The following IMMT variants were observed in gnomAD, a reference collection of about 807,000 sequenced individuals.
The protein encoded by IMMT is MICOS complex subunit MIC60.
Under a neutral mutation model 92.7 loss-of-function variants are expected in IMMT, and 40 were observed. That is an observed-to-expected ratio of 0.43 (90% CI 0.34 to 0.56). IMMT has a LOEUF of 0.56. IMMT is among the 20% of genes least tolerant of loss of function. IMMT has a pLI of 0.03. For missense variants in IMMT, 831 were observed against 912.1 expected, an observed-to-expected ratio of 0.91 and a Z score of 1.14; for synonymous variants, 322 against 336.1, an observed-to-expected ratio of 0.96 and a Z score of 0.46.
chr2:86,144,199 G>C lies in IMMT; in HGVS notation c.*69C>G. The C allele has an allele frequency of 1.3e-6, 2 of 1,558,714 alleles. No individual in the cohort carries two copies. The highest frequency in any genetic ancestry group is 2.4e-5 in the South Asian group (2 of 84,336). ...TAGACAAGTCCGGGACTCTCGCTGCGAACCCTTCATCTATCACTGCTGATT... is the reference window on the plus strand; with the variant it reads ...TAGACAAGTCCGGGACTCTCGCTGCCAACCCTTCATCTATCACTGCTGATT... On this transcript the variant is annotated 3_prime_UTR_variant, in exon 15 of 15. Transcript: ENST00000410111.
chr2:86,147,037 A>G (rs1490933993), intron 13 of IMMT, among the ~76,000 whole-genome samples: 2 of 152,354 alleles, frequency 1.3e-5, no homozygotes, highest in Admixed American at 6.5e-5. Context: ...CTGGGATTAT[A>G]GGTGTTAGCC....
chr2:86,161,287 G>C (rs189027459), intron 8 of IMMT, among the ~76,000 whole-genome samples: 104 of 151,832 alleles, frequency 6.8e-4, no homozygotes, highest in African/African-American at 2.2e-3. Context: ...TCAGCCTCCC[G>C]AGTCGCTGGG....
Position 86,144,289 on chromosome 2 carries a change from G to C in IMMT, c.2256C>G (p.Thr752=). 2 of 1,613,922 alleles carry C rather than the reference G, an allele frequency of 1.2e-6. No homozygotes were observed. Among genetic ancestry groups the C allele is most frequent in the South Asian group, 1.1e-5 (1 of 91,076 alleles). The change falls in exon 15 of 15, where the codon ACC becomes ACG. Residue 752 remains threonine (T), a synonymous_variant. Transcript: ENST00000410111. ...TAYASAVGIG[T]TQVQPE Reference sequence around the variant, plus strand: ...AACCTCACTCTGGCTGCACCTGAGTGGTTCCTATTCCTACGGCGCTGGCAT... The same window carrying C: ...AACCTCACTCTGGCTGCACCTGAGTCGTTCCTATTCCTACGGCGCTGGCAT...
intron 1 of IMMT, among the ~76,000 whole-genome samples, chr2:86,192,204 G>A (rs1437426006): frequency 1.3e-5 from 2 of 152,110 alleles, no homozygotes; most frequent in African/African-American, 4.8e-5. Flanking sequence ...CTGTACTCCA[G>A]CCTGGGCAAC....
chr2:86,195,192 A>G (rs1278141725), intron 1 of IMMT, 146 bp downstream of exon 1: 2 of 818,868 alleles, frequency 2.4e-6, no homozygotes, highest in Non-Finnish European at 3.7e-6. Flanking sequence ...GTGGCTGCCT[A>G]GCTGCCCGCC....
intron 10 of IMMT, among the ~76,000 whole-genome samples, chr2:86,157,791 A>G (rs1470372945): frequency 8.0e-6 from 1 of 124,742 alleles, no homozygotes; most frequent in Non-Finnish European, 1.9e-5. Flanking sequence ...TTTGTCTCAA[A>G]AAAAAAAAAA....
intron 9 of IMMT, among the ~76,000 whole-genome samples, 200 bp from the exon 10 acceptor site, chr2:86,158,921 T>G (rs1009950503): frequency 1.3e-5 from 2 of 152,140 alleles, no homozygotes; most frequent in Admixed American, 1.3e-4. Context: ...CTTTCCCATC[T>G]TACTATGCCC....
rs73946321 is a variant in IMMT at position 86,181,295 on chromosome 2, A to T, written c.119+4T>A. On this transcript the variant is annotated splice_donor_region_variant and intron_variant, in intron 2 of 14. Coordinates refer to ENST00000410111, the MANE Select transcript of IMMT (RefSeq NM_006839.3). ...GCCTGGTTATAGGGAGACATAATAC[A>T]TACCCAGAGCTGCCTGAAGTAGAGT... The T allele has an allele frequency of 6.2e-7, 1 of 1,610,584 alleles. No homozygotes were observed. Among genetic ancestry groups the T allele is most frequent in the African/African-American group, 1.3e-5 (1 of 74,966 alleles).
chr2:86,180,055 G>A (rs927669567), intron 2 of IMMT, among the ~76,000 whole-genome samples: 4 of 151,902 alleles, frequency 2.6e-5, no homozygotes, highest in African/African-American at 9.7e-5. Context: ...CCAGCCTGGA[G>A]CAACAGAACA....
Position 86,159,660 on chromosome 2 carries a change from T to G in IMMT, c.908A>C (p.Glu303Ala). The G allele has an allele frequency of 6.4e-7, 1 of 1,559,836 alleles. No individual in the cohort carries two copies. Among genetic ancestry groups the G allele is most frequent in the Non-Finnish European group, 8.6e-7 (1 of 1,161,426 alleles). ...ATTTTCAATCACACTTTTCATCTTC[T>G]CTAACTCTTCTCTGGAAACCAACAA... is the stretch of plus-strand genomic sequence containing the variant. The part of the protein sequence containing the change: ...DALLKAKEEL[E>A]KMKSVIENAK... Residue 303 changes from glutamate to alanine, a missense_variant, in exon 9 of 15, where the codon GAG (glutamate) becomes GCG (alanine). Transcript: ENST00000410111.
At chr2:86,173,616 A>G (rs762504527) in intron 4 of IMMT, 34 bp downstream of exon 4, 3 of 1,200,362 alleles carry the variant, frequency 2.5e-6, no homozygotes, top group Non-Finnish European at 3.7e-6. Context: ...AGATTTACCT[A>G]TAATTTTAAA....
At chr2:86,179,672 C>T (rs754370957) in intron 2 of IMMT, 50 bp from the exon 3 acceptor site, 9 of 1,423,962 alleles carry the variant, frequency 6.3e-6, no homozygotes, top group Non-Finnish European at 8.5e-6. Flanking sequence ...CTCTCCTACA[C>T]CTATTTTCCT....
At chr2:86,173,597 T>G (rs1677245748) in intron 4 of IMMT, 53 bp downstream of exon 4, 2 of 999,074 alleles carry the variant, frequency 2.0e-6, no homozygotes, top group South Asian at 2.9e-5. Flanking sequence ...AAAAAAAGAA[T>G]TGGTGAAGAG....
intron 8 of IMMT, chr2:86,159,907 A>G (rs184012188): frequency 2.5e-5 from 8 of 323,582 alleles, no homozygotes; most frequent in Admixed American, 4.8e-5. Context: ...AAAAAAACTA[A>G]AAGAAAAGTC....
intron 11 of IMMT, among the ~76,000 whole-genome samples, chr2:86,153,340 C>CACACACACACACACTT (rs1244774923): frequency 1.4e-5 from 2 of 148,146 alleles, no homozygotes; most frequent in African/African-American, 4.9e-5. Flanking sequence ...CACACACACA[C>CACACACACACACACTT]ACTTCACATC....
chr2:86,147,922 A>G, intron 12 of IMMT, 89 bp from the exon 13 acceptor site: 1 of 1,305,432 alleles, frequency 7.7e-7, no homozygotes, highest in South Asian at 1.3e-5. Context: ...CCATGACAAC[A>G]GCAGCTTCCA....
At chr2:86,171,117 T>C (rs537504202) in intron 5 of IMMT, 91 bp downstream of exon 5, 45 of 1,136,346 alleles carry the variant, frequency 4.0e-5, no homozygotes, top group Non-Finnish European at 5.2e-5. Context: ...CTAGTGTAAA[T>C]GTATACTTAG....
chr2:86,169,857 C>A (rs1323343948), intron 6 of IMMT, among the ~76,000 whole-genome samples: 1 of 148,878 alleles, frequency 6.7e-6, no homozygotes, highest in African/African-American at 2.5e-5. Flanking sequence ...TCCAACACTA[C>A]CCTGACCAAC....
chr2:86,193,524 G>C (rs959456839), intron 1 of IMMT, among the ~76,000 whole-genome samples: 1 of 152,154 alleles, frequency 6.6e-6, no homozygotes, highest in African/African-American at 2.4e-5. Context: ...CCTGCTTGGG[G>C]ATTAAAGTTC....
Sources: gnomAD v4.1 joint callset for allele counts (sites outside exome capture counted in the v4.1 genomes callset) on GRCh38, gnomAD v4.1.1 for gene constraint, MANE v1.5 for transcripts, NCBI Gene and HGNC (gene_info 2026-07-23, HGNC 2026-07-21) for gene names.